The following F8 variants were observed in gnomAD, a reference collection of about 807,000 sequenced individuals.
The protein encoded by F8 is coagulation factor VIII.
F8 carries 12 observed loss-of-function variants against 140.6 expected under a neutral mutation model. That is an observed-to-expected ratio of 0.09 (90% CI 0.05 to 0.14). The LOEUF is 0.14. Ranked by LOEUF, F8 falls within the 10% of genes least tolerant of loss-of-function variation. F8 has a pLI of 1.00. For missense variants in F8, 1,354 were observed against 1,720.7 expected, an observed-to-expected ratio of 0.79 and a Z score of 3.77; for synonymous variants, 585 against 614.6, an observed-to-expected ratio of 0.95 and a Z score of 0.71.
At position 154,903,954 on chromosome X, in the gene F8, C is replaced by T. The variant is rs782504844; in HGVS notation, c.5950G>A (p.Val1984Ile). The change falls in exon 18 of 26, where the codon GTA becomes ATA. Residue 1984 changes from valine (V) to isoleucine (I), a missense_variant. Transcript: ENST00000360256. ...ATTTTATACTCCTCTTTTTTTCGTACAGTGAACACATGTCCACTGAAATGA... is the reference window on the plus strand; with the variant it reads ...ATTTTATACTCCTCTTTTTTTCGTATAGTGAACACATGTCCACTGAAATGA... ...SIHFSGHVFT[V>I]RKKEEYKMAL... The T allele has an allele frequency of 1.7e-6, 2 of 1,209,873 alleles. No homozygotes were observed. The highest frequency in any genetic ancestry group is 3.0e-5 in the East Asian group (1 of 33,805).
At chrX:154,954,616 T>C (rs1292475226) in intron 11 of F8, among the ~76,000 whole-genome samples, 4 of 112,550 alleles carry the variant, frequency 3.6e-5, no homozygotes, top group Non-Finnish European at 7.5e-5. Context: ...ATTTTGTATA[T>C]GAACCAGATT....
chrX:154,931,773 T>C, intron 13 of F8, 97 bp from the exon 14 acceptor site: 1 of 711,911 alleles, frequency 1.4e-6, no homozygotes, highest in Admixed American at 2.6e-5. Flanking sequence ...AATGAAAAAA[T>C]ACTAGTCAGT....
rs781818316 is a variant in F8, at chrX:154,873,180, A to T, written c.6430-9953T>A. Among the ~76,000 whole-genome samples, 28 of 110,309 alleles carry T rather than the reference A, an allele frequency of 2.5e-4. No individual in the cohort carries two copies. In the South Asian group the frequency reaches 8.4e-3, roughly 33 times the overall value. On this transcript the variant is annotated intron_variant, in intron 22 of 25. Coordinates refer to ENST00000360256, the MANE Select transcript of F8 (RefSeq NM_000132.4). Reference sequence around the variant, plus strand: ...TGTTCTTCACAGAAATAAAAAAAAAATTTTAATTAATATGAAATCACAAAA... The same window carrying T: ...TGTTCTTCACAGAAATAAAAAAAAATTTTTAATTAATATGAAATCACAAAA...
chrX:154,952,066 A>C (rs2124087620), intron 12 of F8, among the ~76,000 whole-genome samples: 1 of 112,264 alleles, frequency 8.9e-6, no homozygotes, highest in South Asian at 3.6e-4. Flanking sequence ...AATTATGAAT[A>C]GAAAAAAATA....
intron 2 of F8, among the ~76,000 whole-genome samples, chrX:154,998,194 A>C (rs2073627706): frequency 8.9e-6 from 1 of 112,912 alleles, no homozygotes; most frequent in South Asian, 3.6e-4. Flanking sequence ...AGTCCAGTCT[A>C]ATACCAAATT....
chrX:154,933,443 T>A (rs2073208496), intron 13 of F8, among the ~76,000 whole-genome samples: 1 of 111,950 alleles, frequency 8.9e-6, no homozygotes, highest in Non-Finnish European at 1.9e-5. Context: ...AAACCAGGGC[T>A]TTCACTGAAC....
At chrX:155,004,970 T>C (rs2073668572) in intron 1 of F8, among the ~76,000 whole-genome samples, 1 of 111,374 alleles carries the variant, frequency 9.0e-6, no homozygotes, top group Non-Finnish European at 1.9e-5. Context: ...ATATATGGTT[T>C]TGGAAAACAA....
In F8 at chrX:154,998,395, G is replaced by A. The variant is rs782313572; in HGVS notation, c.265+1084C>T. 3.5e-5 allele frequency among the ~76,000 whole-genome samples: 4 copies of A among 113,177 alleles called. No homozygotes were observed. In the East Asian group the frequency reaches 1.1e-3, roughly 31 times the overall value. Reference sequence around the variant, plus strand: ...CAAGGTAGGAGCAAGTGGAAAGGAGGGGGGAGGGTAAAAACAAATAGGCAC... The same window carrying A: ...CAAGGTAGGAGCAAGTGGAAAGGAGAGGGGAGGGTAAAAACAAATAGGCAC... On this transcript the variant is annotated intron_variant, in intron 2 of 25. Transcript: ENST00000360256.
intron 22 of F8, among the ~76,000 whole-genome samples, chrX:154,875,736 AGTGTGTGTGTGTGTGTGT>A (rs35911984): frequency 3.2e-5 from 3 of 93,425 alleles, no homozygotes; most frequent in Admixed American, 1.2e-4. Context: ...CTAAGAATGT[AGTGTGTGTGTGTGTGTGT>A]GTGTGTGTGT....
At position 154,861,964 on chromosome X, in the gene F8, A is replaced by C. The variant is rs145993813; in HGVS notation, c.6575-98T>G. 1,175 of 916,784 alleles carry C rather than the reference A, an allele frequency of 1.3e-3. 19 individuals are homozygous for C. The East Asian group carries it at 0.035, about 27-fold the overall frequency. 75.6% of individuals were successfully genotyped at this position (916,784 alleles called of 1,213,427 possible). On this transcript the variant is annotated intron_variant, in intron 23 of 25. Transcript: ENST00000360256. The stretch of plus-strand genomic sequence containing the variant: ...GATATTCTAGGGCTACTGTCATCAT[A>C]ATATCATTTCTCAGGTTTTAACTTT...
intron 1 of F8, among the ~76,000 whole-genome samples, chrX:155,005,534 T>C (rs1194965643): frequency 9.1e-5 from 10 of 109,687 alleles, no homozygotes; most frequent in African/African-American, 3.3e-4. Context: ...GCAGCAGGAG[T>C]TGTGCTGTGT....
At chrX:154,952,135 C>T (rs2073340650) in intron 12 of F8, among the ~76,000 whole-genome samples, 1 of 111,833 alleles carries the variant, frequency 8.9e-6, no homozygotes, top group African/African-American at 3.2e-5. Flanking sequence ...AATATTCTAT[C>T]AGGCTGAAGG....
At chrX:154,869,521 G>C (rs1222057235) in intron 22 of F8, among the ~76,000 whole-genome samples, 1 of 111,931 alleles carries the variant, frequency 8.9e-6, no homozygotes, top group Non-Finnish European at 1.9e-5. Flanking sequence ...CAGCGTACCA[G>C]AATTTCTGGG....
chrX:154,861,661 A>AT (rs2072691906), intron 24 of F8, 57 bp downstream of exon 24: 1 of 1,189,615 alleles, frequency 8.4e-7, no homozygotes, highest in Non-Finnish European at 1.1e-6. Context: ...GCCTTCCCCG[A>AT]TTTTTTCCCC....
chrX:154,893,160 G>A (rs782173328), intron 22 of F8, among the ~76,000 whole-genome samples: 19 of 111,748 alleles, frequency 1.7e-4, no homozygotes, highest in Admixed American at 1.0e-3. Context: ...GCCCCGCCTC[G>A]CTTCCAGTTG....
chrX:154,948,064 A>T (rs1352477746), intron 12 of F8, among the ~76,000 whole-genome samples, 157 bp from the exon 13 acceptor site: 2 of 111,881 alleles, frequency 1.8e-5, no homozygotes, highest in African/African-American at 6.5e-5. Context: ...GATTGTTAAT[A>T]ATCAGTTGGG....
intron 12 of F8, among the ~76,000 whole-genome samples, chrX:154,952,585 C>T (rs1241119106): frequency 5.6e-5 from 6 of 106,678 alleles, no homozygotes; most frequent in South Asian, 4.3e-4. Context: ...ACTCTGTCGC[C>T]GGCCTGGAGT....
At chrX:154,875,877 T>C (rs184817803) in intron 22 of F8, among the ~76,000 whole-genome samples, 3 of 110,620 alleles carry the variant, frequency 2.7e-5, no homozygotes, top group African/African-American at 9.9e-5. Context: ...CACCTTGACA[T>C]GTCTGGGTTC....
chrX:154,957,188 C>T lies in F8; in HGVS notation c.1538-17G>A, dbSNP rs782665181. Reference sequence around the variant, plus strand: ...GTTTTACACCTACCCACAAGCAAAACCATAAATAGCTCAATTAGAGTACAA... The same window carrying T: ...GTTTTACACCTACCCACAAGCAAAATCATAAATAGCTCAATTAGAGTACAA... On this transcript the variant is annotated splice_polypyrimidine_tract_variant and intron_variant, in intron 10 of 25. Transcript: ENST00000360256. The T allele has an allele frequency of 9.0e-7, 1 of 1,114,764 alleles. No individual in the cohort carries two copies. Among genetic ancestry groups the T allele is most frequent in the African/African-American group, 1.8e-5 (1 of 55,448 alleles). 91.9% of individuals were successfully genotyped at this position (1,114,764 alleles called of 1,213,427 possible).
Sources: gnomAD v4.1 joint callset for allele counts (sites outside exome capture counted in the v4.1 genomes callset) on GRCh38, gnomAD v4.1.1 for gene constraint, MANE v1.5 for transcripts, NCBI Gene and HGNC (gene_info 2026-07-23, HGNC 2026-07-21) for gene names.